Variants in CEP162 observed in about 807,000 individuals in gnomAD.
CEP162 encodes the protein centrosomal protein of 162 kDa.
A neutral mutation model predicts 169.2 loss-of-function variants in CEP162; 141 were observed. That is an observed-to-expected ratio of 0.83 (90% CI 0.73 to 0.96). The LOEUF is 0.96. Among genes scored for constraint, CEP162 ranks in the 40% least tolerant of loss-of-function variants. The probability of loss-of-function intolerance (pLI) is 0.00; values close to 1 mark genes in which losing one functional copy is unlikely to be tolerated. For missense variants in CEP162, 1,600 were observed against 1,587.2 expected (o/e 1.01, Z -0.14); for synonymous variants, 540 against 526.4 (o/e 1.03, Z -0.35).
intron 2 of CEP162, among the ~76,000 whole-genome samples, chr6:84,225,931 A>G (rs2099555558): frequency 6.6e-6 from 1 of 152,186 alleles, no homozygotes; most frequent in Non-Finnish European, 1.5e-5. Context: ...TCTGGGAAAG[A>G]AAAAAGGCCA....
intron 11 of CEP162, among the ~76,000 whole-genome samples, chr6:84,189,464 C>G (rs924400312): frequency 1.3e-5 from 2 of 152,218 alleles, no homozygotes; most frequent in East Asian, 1.9e-4. Context: ...GCACTCGGAG[C>G]AGCCAGCCAG....
At chr6:84,141,407 C>T (rs1235481020) in intron 25 of CEP162, among the ~76,000 whole-genome samples, 1 of 152,154 alleles carries the variant, frequency 6.6e-6, no homozygotes, top group Non-Finnish European at 1.5e-5. Context: ...CCAACGTTAA[C>T]ATCTACATCT....
chr6:84,140,923 A>G (rs1473079971), intron 25 of CEP162, among the ~76,000 whole-genome samples: 1 of 152,134 alleles, frequency 6.6e-6, no homozygotes, highest in East Asian at 1.9e-4. Flanking sequence ...CAATTCTTCC[A>G]CGGAAAGAGG....
chr6:84,130,026 A>T (rs1224213983), intron 25 of CEP162, among the ~76,000 whole-genome samples: 5 of 152,136 alleles, frequency 3.3e-5, no homozygotes, highest in African/African-American at 7.2e-5. Context: ...TTATTTTGTG[A>T]TACGTTCCAT....
At chr6:84,166,103 A>G (rs1342659702) in intron 18 of CEP162, among the ~76,000 whole-genome samples, 1 of 152,224 alleles carries the variant, frequency 6.6e-6, no homozygotes, top group Admixed American at 6.5e-5. Context: ...CCAGGGACAG[A>G]GAATGCCTAC....
chr6:84,192,428 C>G (rs1232885118), intron 11 of CEP162, among the ~76,000 whole-genome samples: 2 of 152,200 alleles, frequency 1.3e-5, no homozygotes, highest in Non-Finnish European at 2.9e-5. Context: ...TCCCAAACAG[C>G]AATGATGAGT....
intron 6 of CEP162, among the ~76,000 whole-genome samples, chr6:84,212,491 A>T (rs947616980): frequency 3.7e-4 from 56 of 152,232 alleles, no homozygotes; most frequent in African/African-American, 1.3e-3. Flanking sequence ...GATAAGGTAG[A>T]CATATATTGT....
intron 13 of CEP162, among the ~76,000 whole-genome samples, chr6:84,182,258 T>G (rs2099535188): frequency 6.6e-6 from 1 of 152,108 alleles, no homozygotes; most frequent in African/African-American, 2.4e-5. Flanking sequence ...GCTAAATCAT[T>G]GCAAGCATTC....
intron 18 of CEP162, among the ~76,000 whole-genome samples, chr6:84,165,931 G>A (rs140617173): frequency 4.6e-5 from 7 of 152,224 alleles, no homozygotes; most frequent in Admixed American, 3.3e-4. Flanking sequence ...AAAAGTTGCC[G>A]AATGCTCTTT....
At position 84,197,663 on chromosome 6, in the gene CEP162, A is replaced by T. The variant is rs151155028; in HGVS notation, c.836-2588T>A. On this transcript the variant is annotated intron_variant, in intron 9 of 26. Coordinates refer to ENST00000403245, the MANE Select transcript of CEP162 (RefSeq NM_014895.4). ...CCTCGTCTCCACTAAAAAAAAATAC[A>T]AAAATTAGCCAGGCGTGGTGGGGTG... Among the ~76,000 whole-genome samples the T allele has an allele frequency of 2.4e-3, 370 of 152,052 alleles. 1 individual carries two copies. Among genetic ancestry groups the T allele is most frequent in the Admixed American group, 4.5e-3 (69 of 15,272 alleles).
intron 25 of CEP162, among the ~76,000 whole-genome samples, chr6:84,145,406 C>A (rs1372631396): frequency 6.6e-6 from 1 of 152,080 alleles, no homozygotes; most frequent in African/African-American, 2.4e-5. Context: ...ACTTTTTATG[C>A]AAATAACCAA....
chr6:84,150,731 C>T (rs2099520771), intron 23 of CEP162, among the ~76,000 whole-genome samples: 1 of 152,076 alleles, frequency 6.6e-6, no homozygotes, highest in African/African-American at 2.4e-5. Flanking sequence ...TGTGATTCTT[C>T]TTAAAGAGCT....
Position 84,146,710 on chromosome 6 carries a change from G to A in CEP162, c.3847C>T (p.Arg1283Ter), listed in dbSNP as rs1191200730. 7.6e-6 allele frequency: 12 copies of A among 1,569,524 alleles called. No individual in the cohort carries two copies. The highest frequency in any genetic ancestry group is 2.3e-5 in the East Asian group (1 of 43,734). Reference sequence around the variant, plus strand: ...ACCTCTTTCTGTAGAATTTCTTCTCGAACTTCAGAAACTACGAGAGACTCT... The same window carrying A: ...ACCTCTTTCTGTAGAATTTCTTCTCAAACTTCAGAAACTACGAGAGACTCT... ...KQESLVVSEV[R>*]EEILQKEITK... is the part of the protein sequence containing the mutation. The change falls in exon 25 of 27, where the codon CGA (arginine) becomes TGA (stop). Residue 1283 changes from arginine to a stop codon, truncating the protein, a stop_gained. Transcript: ENST00000403245. LOFTEE classifies it high-confidence loss of function.
intron 11 of CEP162, among the ~76,000 whole-genome samples, chr6:84,189,182 GC>G (rs1299047635): frequency 3.9e-5 from 6 of 151,944 alleles, no homozygotes; most frequent in African/African-American, 1.5e-4. Context: ...CTCCCGAGTA[GC>G]TGGTGAGAGG....
intron 5 of CEP162, among the ~76,000 whole-genome samples, chr6:84,214,000 T>C (rs1489660361): frequency 6.6e-6 from 1 of 152,132 alleles, no homozygotes; most frequent in Non-Finnish European, 1.5e-5. Flanking sequence ...ACATTTTCGC[T>C]GGGCGCGGTG....
Position 84,125,511 on chromosome 6 carries a change from G to A in CEP162, c.4006-235C>T, listed in dbSNP as rs547736443. 1.8e-3 allele frequency among the ~76,000 whole-genome samples: 268 copies of A among 152,212 alleles called. 1 individual carries two copies. Among genetic ancestry groups the A allele is most frequent in the African/African-American group, 5.7e-3 (235 of 41,530 alleles). ...TATGTTGAATTTCCTAACCCTTAAT[G>A]TGACTGTATGTGGAGTAAGGAAATA... is the stretch of plus-strand genomic sequence containing the variant. On this transcript the variant is annotated intron_variant, in intron 26 of 26. Coordinates refer to ENST00000403245, the MANE Select transcript of CEP162 (RefSeq NM_014895.4).
rs1157756341 is a variant in CEP162, at chr6:84,185,181, G to A, written c.1663+6C>T. 29 of 1,603,892 alleles carry A rather than the reference G, an allele frequency of 1.8e-5. No individual in the cohort carries two copies. Among genetic ancestry groups the A allele is most frequent in the Non-Finnish European group, 2.5e-5 (29 of 1,171,922 alleles). ...ACAATATACTAAATAAAGAGTATAT[G>A]ATTACCTTTTTTCCTAGGTTGATTG... On this transcript the variant is annotated splice_donor_region_variant and intron_variant, in intron 13 of 26. Coordinates refer to ENST00000403245, the MANE Select transcript of CEP162 (RefSeq NM_014895.4).
At chr6:84,163,817 T>C (rs1749766475) in intron 18 of CEP162, among the ~76,000 whole-genome samples, 1 of 151,644 alleles carries the variant, frequency 6.6e-6, no homozygotes, top group African/African-American at 2.4e-5. Flanking sequence ...AATACAAAAT[T>C]AGCCAGGCAA....
At chr6:84,164,455 C>T (rs1383490093) in intron 18 of CEP162, among the ~76,000 whole-genome samples, 2 of 151,590 alleles carry the variant, frequency 1.3e-5, no homozygotes, top group African/African-American at 2.4e-5. Context: ...AACCCAAATG[C>T]CCAATGATAG....
Sources: gnomAD v4.1 joint callset for allele counts (sites outside exome capture counted in the v4.1 genomes callset) on GRCh38, gnomAD v4.1.1 for gene constraint, MANE v1.5 for transcripts, NCBI Gene and HGNC (gene_info 2026-07-23, HGNC 2026-07-21) for gene names.